CDC42BPB: variants seen among roughly 807,000 people sequenced by gnomAD.
The protein encoded by CDC42BPB is serine/threonine-protein kinase MRCK beta.
A neutral mutation model predicts 214.9 loss-of-function variants in CDC42BPB; 37 were observed. The ratio of observed to expected loss-of-function variants is 0.17; its 90% CI spans 0.13 to 0.23. The LOEUF (loss-of-function observed/expected upper bound fraction) is 0.23, where lower values mean the gene tolerates loss of function less well. CDC42BPB is among the 10% of genes least tolerant of loss of function. CDC42BPB has a pLI of 1.00. For missense variants in CDC42BPB, 1,694 were observed against 2,227.0 expected (o/e 0.76, Z 4.82); for synonymous variants, 931 against 884.0 (o/e 1.05, Z -0.94).
Position 102,952,502 on chromosome 14 carries a change from G to A in CDC42BPB, c.3168C>T (p.Cys1056=), listed in dbSNP as rs918854091. 4 of 1,606,308 alleles carry A rather than the reference G, an allele frequency of 2.5e-6. No homozygotes were observed. The highest frequency in any genetic ancestry group is 2.6e-6 in the Non-Finnish European group (3 of 1,173,922). The change falls in exon 24 of 37, where the codon TGC becomes TGT. Residue 1056 remains cysteine (C), a synonymous_variant. Transcript: ENST00000361246. ...MVGLIRQGYA[C]EVCSFACHVS... is the part of the protein sequence containing the mutation. ...AGGAGCTGCAACGACACTCACCCTC[G>A]CAGGCGTAGCCCTGCCGGATCAGCC... is the stretch of plus-strand genomic sequence containing the variant.
chr14:102,945,790 G>A (rs768737228), intron 28 of CDC42BPB, 66 bp from the exon 29 acceptor site: 41 of 1,370,232 alleles, frequency 3.0e-5, no homozygotes, highest in Non-Finnish European at 4.3e-5. Flanking sequence ...GGGTTTGAAT[G>A]CGTGGGTGGG....
At chr14:102,999,343 G>C (rs938076357) in intron 5 of CDC42BPB, among the ~76,000 whole-genome samples, 14 of 152,002 alleles carry the variant, frequency 9.2e-5, no homozygotes, top group Admixed American at 3.9e-4. Context: ...CAGTGGCTTC[G>C]GCTGACAGCA....
intron 1 of CDC42BPB, among the ~76,000 whole-genome samples, chr14:103,024,448 A>C (rs1047220490): frequency 6.6e-6 from 1 of 152,184 alleles, no homozygotes; most frequent in Non-Finnish European, 1.5e-5. Flanking sequence ...AGCAGGGAGG[A>C]AGAGTTTTGA....
intron 1 of CDC42BPB, among the ~76,000 whole-genome samples, chr14:103,040,364 G>T (rs944422384): frequency 1.3e-4 from 20 of 150,940 alleles, no homozygotes; most frequent in Admixed American, 1.1e-3. Flanking sequence ...CAAAAAAAAA[G>T]TTAAAGCAGC....
At chr14:103,002,185 C>T (rs1383667796) in intron 4 of CDC42BPB, among the ~76,000 whole-genome samples, 1 of 152,194 alleles carries the variant, frequency 6.6e-6, no homozygotes, top group African/African-American at 2.4e-5. Flanking sequence ...AGCCTCACAA[C>T]CATAGGAAGA....
intron 17 of CDC42BPB, 181 bp from the exon 18 acceptor site, chr14:102,966,568 C>T (rs1481074879): frequency 8.3e-6 from 8 of 964,284 alleles, no homozygotes; most frequent in Admixed American, 6.2e-5. Flanking sequence ...TTACATTGCA[C>T]ATGACTGCAG....
intron 25 of CDC42BPB, 162 bp from the exon 26 acceptor site, chr14:102,950,066 G>C (rs902504063): frequency 1.0e-6 from 1 of 985,358 alleles, no homozygotes; most frequent in Non-Finnish European, 1.2e-6. Context: ...GCTGGGGAGG[G>C]GTCCATGCGT....
chr14:102,937,668 G>A (rs1199319899), intron 36 of CDC42BPB, among the ~76,000 whole-genome samples: 24 of 152,368 alleles, frequency 1.6e-4, no homozygotes, highest in Admixed American at 1.2e-3. Flanking sequence ...CAACAGTGGC[G>A]CTTGTCCTGG....
At chr14:102,980,745 A>C (rs974215553) in intron 8 of CDC42BPB, 28 bp downstream of exon 8, 4 of 1,611,334 alleles carry the variant, frequency 2.5e-6, no homozygotes, top group Non-Finnish European at 3.4e-6. Context: ...ACAGCCAGCA[A>C]CCCTGAGAAC....
At chr14:103,031,106 T>C (rs1405020208) in intron 1 of CDC42BPB, among the ~76,000 whole-genome samples, 4 of 151,852 alleles carry the variant, frequency 2.6e-5, no homozygotes, top group Non-Finnish European at 2.9e-5. Context: ...AAATATTTTA[T>C]GCTGATATTT....
At chr14:103,033,842 A>T in intron 1 of CDC42BPB, among the ~76,000 whole-genome samples, 1 of 152,200 alleles carries the variant, frequency 6.6e-6, no homozygotes. Context: ...GCCCCAAACC[A>T]CACAGCAGTT....
chr14:103,004,995 G>A lies in CDC42BPB; in HGVS notation c.352-972C>T, dbSNP rs567421001. ...ATCCTGGCTAACACCGTGAAACCCC[G>A]TCTCTATTAAAAATACAAAAAAATT... On this transcript the variant is annotated intron_variant, in intron 3 of 36. Coordinates refer to ENST00000361246, the MANE Select transcript of CDC42BPB (RefSeq NM_006035.4). The surrounding 1 kb of genome is among the most constrained non-coding windows in gnomAD (Gnocchi z 5.3). Among the ~76,000 whole-genome samples the A allele has an allele frequency of 1.3e-5, 2 of 151,876 alleles. No homozygotes were observed. The highest frequency in any genetic ancestry group is 4.8e-5 in the African/African-American group (2 of 41,418).
intron 28 of CDC42BPB, among the ~76,000 whole-genome samples, 174 bp downstream of exon 28, chr14:102,946,294 A>G (rs1473513361): frequency 2.0e-5 from 3 of 152,026 alleles, no homozygotes; most frequent in Non-Finnish European, 2.9e-5. Context: ...GAGTGCTGGG[A>G]TTACAGGCGT....
At chr14:102,938,616 T>C in intron 34 of CDC42BPB, 1 of 935,120 alleles carries the variant, frequency 1.1e-6, no homozygotes, top group Non-Finnish European at 1.3e-6. Flanking sequence ...TCAAATCCTA[T>C]AAAAAGCGTA....
chr14:103,054,628 G>C (rs1888840437), intron 1 of CDC42BPB, among the ~76,000 whole-genome samples: 1 of 152,164 alleles, frequency 6.6e-6, no homozygotes, highest in African/African-American at 2.4e-5. Flanking sequence ...TGACGTATAT[G>C]TTAACATAAA....
chr14:103,040,740 G>A (rs1267609356), intron 1 of CDC42BPB, among the ~76,000 whole-genome samples: 1 of 152,162 alleles, frequency 6.6e-6, no homozygotes. Flanking sequence ...TTACAGGCGT[G>A]AGCCACCATA....
chr14:103,020,108 C>T (rs984634731), intron 1 of CDC42BPB, among the ~76,000 whole-genome samples: 1 of 152,250 alleles, frequency 6.6e-6, no homozygotes, highest in East Asian at 1.9e-4. Context: ...AGAAGCTCTC[C>T]GCCTCCCCCT....
chr14:102,949,976 C>A, intron 25 of CDC42BPB, 72 bp from the exon 26 acceptor site: 1 of 1,586,440 alleles, frequency 6.3e-7, no homozygotes, highest in South Asian at 1.1e-5. Context: ...TACACTCGTT[C>A]ACAATCTCCT....
intron 27 of CDC42BPB, among the ~76,000 whole-genome samples, chr14:102,947,506 G>C (rs571070660): frequency 6.6e-6 from 1 of 152,282 alleles, no homozygotes; most frequent in East Asian, 1.9e-4. Flanking sequence ...GTGAAGAGGG[G>C]TGTCTGGGAA....
Sources: allele counts gnomAD v4.1 joint callset (sites outside exome capture counted in the v4.1 genomes callset), GRCh38; gene constraint gnomAD v4.1.1; non-coding constraint Gnocchi (gnomAD v3.1); transcripts MANE v1.5; gene names NCBI Gene and HGNC (gene_info 2026-07-23, HGNC 2026-07-21).